Variants in ARHGAP44 observed in about 807,000 individuals in gnomAD.
The protein encoded by ARHGAP44 is Rho GTPase activating protein 44.
Under a neutral mutation model 106.8 loss-of-function variants are expected in ARHGAP44, and 43 were observed. The ratio of observed to expected loss-of-function variants is 0.40; its 90% CI spans 0.32 to 0.52. The LOEUF (loss-of-function observed/expected upper bound fraction) is 0.52. Ranked by LOEUF, ARHGAP44 falls within the 20% of genes least tolerant of loss-of-function variation. The pLI is 0.48. For missense variants in ARHGAP44, 866 were observed against 1,050.5 expected, an observed-to-expected ratio of 0.82 and a Z score of 2.43; for synonymous variants, 439 against 410.3, an observed-to-expected ratio of 1.07 and a Z score of -0.85.
chr17:12,800,189 C>T (rs946992854), intron 1 of ARHGAP44, among the ~76,000 whole-genome samples: 4 of 152,188 alleles, frequency 2.6e-5, no homozygotes, highest in Non-Finnish European at 5.9e-5. Context: ...TTATATTCCT[C>T]GTTACCTGAA....
Position 12,984,842 on chromosome 17 carries a change from T to A in ARHGAP44, c.2251T>A (p.Ser751Thr). The A allele has an allele frequency of 6.2e-7, 1 of 1,613,964 alleles. No homozygotes were observed. Among genetic ancestry groups the A allele is most frequent in the Non-Finnish European group, 8.5e-7 (1 of 1,179,882 alleles). The change falls in exon 20 of 21, where the codon TCT becomes ACT. Residue 751 changes from serine to threonine, a missense_variant. Physicochemically the swap from Ser to Thr is moderately conservative, Grantham distance 58. Transcript: ENST00000379672. ...GCCTCCCACAGTAAACCTCTCGGCC[T>A]CTAGTCCACAGTCCACGGAGGCCCC... ...PQPPTVNLSA[S>T]SPQSTEAPML...
intron 20 of ARHGAP44, chr17:12,987,512 G>C: frequency 5.5e-6 from 1 of 182,924 alleles, no homozygotes. Flanking sequence ...CTTTTGTGCT[G>C]GAGACGCTTG....
intron 1 of ARHGAP44, among the ~76,000 whole-genome samples, chr17:12,853,465 A>T (rs1271712708): frequency 6.6e-6 from 1 of 152,208 alleles, no homozygotes; most frequent in African/African-American, 2.4e-5. Flanking sequence ...AAAACAAAAA[A>T]TAGAATGAAT....
intron 16 of ARHGAP44, among the ~76,000 whole-genome samples, chr17:12,965,695 C>T (rs2039374110): frequency 1.3e-5 from 2 of 152,184 alleles, no homozygotes; most frequent in Non-Finnish European, 2.9e-5. Context: ...CATGCTGTTA[C>T]AAGGCACAGA....
intron 1 of ARHGAP44, among the ~76,000 whole-genome samples, chr17:12,810,972 A>G (rs756916090): frequency 3.3e-5 from 5 of 152,194 alleles, no homozygotes; most frequent in Non-Finnish European, 5.9e-5. Flanking sequence ...TATGTATTAT[A>G]TACTGTATTT....
At chr17:12,896,587 G>T (rs746562893) in intron 3 of ARHGAP44, 76 bp downstream of exon 3, 7 of 1,260,518 alleles carry the variant, frequency 5.6e-6, no homozygotes, top group Non-Finnish European at 7.8e-6. Context: ...TGACACTCCT[G>T]GATGTAGCTG....
intron 6 of ARHGAP44, among the ~76,000 whole-genome samples, chr17:12,923,313 C>T (rs1469651432): frequency 2.0e-5 from 3 of 152,196 alleles, no homozygotes; most frequent in East Asian, 1.9e-4. Flanking sequence ...CAGGTTCAAG[C>T]GATTCTCCTG....
chr17:12,853,832 T>C (rs2035830894), intron 1 of ARHGAP44, among the ~76,000 whole-genome samples: 1 of 152,184 alleles, frequency 6.6e-6, no homozygotes, highest in African/African-American at 2.4e-5. Context: ...TCTGGAGCAT[T>C]CTGTCTCCTG....
Position 12,991,293 on chromosome 17 carries a change from T to C in ARHGAP44, c.*1122T>C, listed in dbSNP as rs1029090667. 6.5e-6 allele frequency: 1 copy of C among 152,704 alleles called. No individual in the cohort carries two copies. The highest frequency in any genetic ancestry group is 2.4e-5 in the African/African-American group (1 of 41,460). The allele number at this position is 152,704 out of a possible 1,614,324, so 9.5% of individuals were successfully genotyped here. On this transcript the variant is annotated 3_prime_UTR_variant, in exon 21 of 21. Coordinates refer to ENST00000379672, the MANE Select transcript of ARHGAP44 (RefSeq NM_014859.6). ...AGTCAAAGTTTAAAATTTTATCCTT[T>C]TCAAATAGATGATATAATATACCTA...
At chr17:12,878,291 C>T (rs1297558747) in intron 1 of ARHGAP44, among the ~76,000 whole-genome samples, 2 of 151,954 alleles carry the variant, frequency 1.3e-5, no homozygotes, top group Non-Finnish European at 2.9e-5. Flanking sequence ...GAAACGCTGC[C>T]ATGACCTAAC....
chr17:12,937,698 C>G (rs1341193797), intron 7 of ARHGAP44, among the ~76,000 whole-genome samples: 2 of 152,128 alleles, frequency 1.3e-5, no homozygotes, highest in African/African-American at 4.8e-5. Context: ...GGACCAGAAA[C>G]TGGAAGTCAA....
At chr17:12,865,617 G>A (rs913942463) in intron 1 of ARHGAP44, among the ~76,000 whole-genome samples, 1 of 152,028 alleles carries the variant, frequency 6.6e-6, no homozygotes, top group Non-Finnish European at 1.5e-5. Flanking sequence ...GTGAAACCCT[G>A]TCTCTACTAA....
intron 8 of ARHGAP44, among the ~76,000 whole-genome samples, chr17:12,943,338 G>C (rs1045191881): frequency 6.6e-6 from 1 of 152,206 alleles, no homozygotes; most frequent in African/African-American, 2.4e-5. Flanking sequence ...TCTAAGCCAC[G>C]TTCCAGCTCT....
At chr17:12,945,890 G>A (rs149048042) in intron 10 of ARHGAP44, among the ~76,000 whole-genome samples, 9,298 of 152,152 alleles carry the variant, frequency 0.061, 318 homozygotes, top group Middle Eastern at 0.099. Flanking sequence ...AGGTTCAAGC[G>A]ATTCTCCTAC....
intron 6 of ARHGAP44, among the ~76,000 whole-genome samples, chr17:12,925,909 T>G (rs1201811961): frequency 6.6e-6 from 1 of 152,108 alleles, no homozygotes; most frequent in Non-Finnish European, 1.5e-5. Context: ...TGTACAAAAT[T>G]TTCCCAACAT....
intron 1 of ARHGAP44, among the ~76,000 whole-genome samples, chr17:12,829,150 A>G (rs779474570): frequency 2.0e-5 from 3 of 152,210 alleles, no homozygotes; most frequent in Admixed American, 6.5e-5. Context: ...CCTTAAAACT[A>G]TTGTGTCTTG....
At chr17:12,923,779 A>G (rs914518892) in intron 6 of ARHGAP44, among the ~76,000 whole-genome samples, 1 of 152,202 alleles carries the variant, frequency 6.6e-6, no homozygotes, top group Non-Finnish European at 1.5e-5. Flanking sequence ...ATAAGAAGCC[A>G]ACCCAACACA....
rs2039188441 is a variant in ARHGAP44, at chr17:12,958,768, A to G, written c.1394A>G (p.His465Arg). The G allele has an allele frequency of 5.0e-6, 8 of 1,613,824 alleles. No individual in the cohort carries two copies. Among genetic ancestry groups the G allele is most frequent in the African/African-American group, 1.3e-5 (1 of 74,934 alleles). The change falls in exon 16 of 21, where the codon CAT (histidine) becomes CGT (arginine). Residue 465 changes from histidine (H) to arginine (R), a missense_variant. By Grantham distance (29) the His-to-Arg change is conservative (BLOSUM62 0). Coordinates refer to ENST00000379672, the MANE Select transcript of ARHGAP44 (RefSeq NM_014859.6). The surrounding 1 kb of genome is among the most constrained non-coding windows in gnomAD (Gnocchi z 4.1). ...GNYGSPVHVN[H>R]NANYSSMPSP... ...TATGGGAGTCCAGTACACGTGAACCATAATGCCAACTACAGCTCAATGCCC... is the reference window on the plus strand; with the variant it reads ...TATGGGAGTCCAGTACACGTGAACCGTAATGCCAACTACAGCTCAATGCCC...
intron 10 of ARHGAP44, among the ~76,000 whole-genome samples, chr17:12,945,772 T>C (rs143351175): frequency 5.4e-4 from 82 of 152,340 alleles, no homozygotes; most frequent in Middle Eastern, 3.4e-3. Context: ...ATGTTTGTTA[T>C]CAAATTTTTT....
Sources: allele counts gnomAD v4.1 joint callset (sites outside exome capture counted in the v4.1 genomes callset), GRCh38; gene constraint gnomAD v4.1.1; non-coding constraint Gnocchi (gnomAD v3.1); transcripts MANE v1.5; gene names NCBI Gene and HGNC (gene_info 2026-07-23, HGNC 2026-07-21).